The following PIP4K2A variants were observed in gnomAD, a reference collection of about 807,000 sequenced individuals.
PIP4K2A encodes phosphatidylinositol 5-phosphate 4-kinase type-2 alpha.
A neutral mutation model predicts 42.9 loss-of-function variants in PIP4K2A; 14 were observed. The ratio of observed to expected loss-of-function variants is 0.33; its 90% CI spans 0.22 to 0.51. The LOEUF (loss-of-function observed/expected upper bound fraction) is 0.51. PIP4K2A is among the 20% of genes least tolerant of loss of function. The pLI, the probability that PIP4K2A is intolerant of heterozygous loss-of-function variation, is 0.97. For synonymous variants in PIP4K2A, 192 were observed against 192.2 expected, an observed-to-expected ratio of 1.00 and a Z score of 0.01; for missense variants, 434 against 519.8, an observed-to-expected ratio of 0.83 and a Z score of 1.61.
chr10:22,566,438 G>A (rs181467022), intron 6 of PIP4K2A, among the ~76,000 whole-genome samples: 90 of 152,244 alleles, frequency 5.9e-4, no homozygotes, highest in Non-Finnish European at 1.9e-4. Context: ...GCCTAAACCA[G>A]AAACTTGGGG....
chr10:22,635,708 T>C (rs115615824), intron 1 of PIP4K2A, among the ~76,000 whole-genome samples: 2,211 of 152,244 alleles, frequency 0.015, 55 homozygotes, highest in African/African-American at 0.05. Flanking sequence ...GCCGGGGGGT[T>C]CTATGACGAG....
intron 1 of PIP4K2A, among the ~76,000 whole-genome samples, chr10:22,689,463 T>G (rs1183119777): frequency 6.6e-6 from 1 of 152,182 alleles, no homozygotes; most frequent in Non-Finnish European, 1.5e-5. Flanking sequence ...TTTCGTGCCA[T>G]TATTCCCTAA....
At chr10:22,613,973 T>TA (rs1564443356) in intron 1 of PIP4K2A, among the ~76,000 whole-genome samples, 1 of 152,118 alleles carries the variant, frequency 6.6e-6, no homozygotes, top group African/African-American at 2.4e-5. Flanking sequence ...TCACATGTAG[T>TA]AAAATACCAA....
intron 3 of PIP4K2A, among the ~76,000 whole-genome samples, chr10:22,602,393 A>C (rs1837804664): frequency 8.0e-6 from 1 of 124,246 alleles, no homozygotes; most frequent in African/African-American, 3.8e-5. Context: ...AACTCTGTCT[A>C]TAAAAAAAAA....
At position 22,537,072 on chromosome 10, in the gene PIP4K2A, T is replaced by G; in HGVS notation, c.*129A>C. On this transcript the variant is annotated 3_prime_UTR_variant, in exon 10 of 10. Coordinates refer to ENST00000376573, the MANE Select transcript of PIP4K2A (RefSeq NM_005028.5). ...AGCCCCCAAATCAGTCATCTTGGCC[T>G]GAAGATGTAAACAAGGAGGTTTGCT... 1 of 678,348 alleles carries G rather than the reference T, an allele frequency of 1.5e-6. No individual in the cohort carries two copies. The highest frequency in any genetic ancestry group is 2.6e-6 in the Non-Finnish European group (1 of 388,554). The allele number at this position is 678,348 out of a possible 1,614,324, so 42.0% of individuals were successfully genotyped here.
intron 1 of PIP4K2A, among the ~76,000 whole-genome samples, chr10:22,713,785 T>G (rs1446060363): frequency 6.6e-6 from 1 of 151,426 alleles, no homozygotes; most frequent in East Asian, 2.0e-4. Flanking sequence ...CGGGTAGCGG[T>G]CGCCCGGACC....
intron 7 of PIP4K2A, among the ~76,000 whole-genome samples, 159 bp downstream of exon 7, chr10:22,550,500 C>T (rs1390612592): frequency 6.6e-6 from 1 of 152,168 alleles, no homozygotes; most frequent in Admixed American, 6.5e-5. Context: ...TAAACCAGAT[C>T]ATGTAACATG....
intron 5 of PIP4K2A, chr10:22,568,888 C>T: frequency 1.5e-6 from 1 of 665,354 alleles, no homozygotes; most frequent in Admixed American, 2.7e-5. Context: ...GGCTCCCTTC[C>T]CCTCCTGCAC....
intron 7 of PIP4K2A, among the ~76,000 whole-genome samples, chr10:22,549,838 CAAAAAAAAAAAAAAAAAAA>C (rs56349240): frequency 3.6e-4 from 25 of 70,120 alleles, no homozygotes; most frequent in Admixed American, 1.2e-3. Flanking sequence ...GAATCCATCT[CAAAAAAAAAAAAAAAAAAA>C]AAAAAAAAAA....
At position 22,609,731 on chromosome 10, in the gene PIP4K2A, A is replaced by G; in HGVS notation, c.145-14T>C. ...CAGTTCATTGATCTGGAAAAATATA[A>G]AATAAATAGCATGGGTTATTACTAT... On this transcript the variant is annotated splice_polypyrimidine_tract_variant and intron_variant, in intron 1 of 9. Transcript: ENST00000376573. 6.7e-7 allele frequency: 1 copy of G among 1,488,616 alleles called. No individual in the cohort carries two copies. 92.2% of individuals were successfully genotyped at this position (1,488,616 alleles called of 1,614,324 possible).
chr10:22,578,428 T>C (rs1413594641), intron 4 of PIP4K2A, among the ~76,000 whole-genome samples: 1 of 152,232 alleles, frequency 6.6e-6, no homozygotes, highest in Non-Finnish European at 1.5e-5. Context: ...CCTTTCTCTC[T>C]CCTGAACCCC....
At chr10:22,614,372 A>T (rs1588664251) in intron 1 of PIP4K2A, among the ~76,000 whole-genome samples, 1 of 152,374 alleles carries the variant, frequency 6.6e-6, no homozygotes, top group East Asian at 1.9e-4. Context: ...AGCAGTATCT[A>T]TACCTTCATA....
At chr10:22,566,062 C>T (rs560826441) in intron 6 of PIP4K2A, among the ~76,000 whole-genome samples, 4 of 152,142 alleles carry the variant, frequency 2.6e-5, no homozygotes, top group South Asian at 2.1e-4. Flanking sequence ...CCTGTGGTCT[C>T]GACCTGCCTC....
At chr10:22,575,667 C>A (rs1334689695) in intron 4 of PIP4K2A, among the ~76,000 whole-genome samples, 2 of 152,070 alleles carry the variant, frequency 1.3e-5, no homozygotes, top group African/African-American at 4.8e-5. Flanking sequence ...TTGCCAGGCG[C>A]GGTGGCTCAC....
At position 22,617,666 on chromosome 10, in the gene PIP4K2A, G is replaced by T. The variant is rs144088505; in HGVS notation, c.145-7949C>A. Among the ~76,000 whole-genome samples, 792 of 152,290 alleles carry T rather than the reference G, an allele frequency of 5.2e-3. 10 individuals carry two copies. The highest frequency in any genetic ancestry group is 0.018 in the African/African-American group (748 of 41,554). On this transcript the variant is annotated intron_variant, in intron 1 of 9. Transcript: ENST00000376573. ...ATTATGACATATTGAGATGAAACAG[G>T]AAGCACCCCTTGTGTGGAGCCCCTG...
chr10:22,636,125 C>T (rs1221132789), intron 1 of PIP4K2A, among the ~76,000 whole-genome samples: 2 of 152,120 alleles, frequency 1.3e-5, no homozygotes, highest in African/African-American at 2.4e-5. Flanking sequence ...AAGAGGACTC[C>T]ACAATGGAGT....
At chr10:22,601,399 A>C (rs1437471935) in intron 3 of PIP4K2A, among the ~76,000 whole-genome samples, 1 of 152,192 alleles carries the variant, frequency 6.6e-6, no homozygotes, top group Non-Finnish European at 1.5e-5. Context: ...GAAACAGTGC[A>C]AGAAATGCCT....
intron 4 of PIP4K2A, among the ~76,000 whole-genome samples, chr10:22,587,088 A>C (rs1837412772): frequency 6.6e-6 from 1 of 152,222 alleles, no homozygotes; most frequent in East Asian, 1.9e-4. Flanking sequence ...TCAGTGTGTC[A>C]GAAAATTAAA....
intron 1 of PIP4K2A, among the ~76,000 whole-genome samples, chr10:22,648,501 A>C (rs1838929772): frequency 6.6e-6 from 1 of 152,234 alleles, no homozygotes; most frequent in African/African-American, 2.4e-5. Flanking sequence ...TGTTACAGAT[A>C]ATGAATATTT....
Sources: allele counts gnomAD v4.1 joint callset (sites outside exome capture counted in the v4.1 genomes callset), GRCh38; gene constraint gnomAD v4.1.1; transcripts MANE v1.5; gene names NCBI Gene and HGNC (gene_info 2026-07-23, HGNC 2026-07-21).